The following ASTN2 variants were observed in gnomAD, a reference collection of about 807,000 sequenced individuals.
The protein encoded by ASTN2 is astrotactin-2.
ASTN2 carries 54 observed loss-of-function variants against 139.8 expected under a neutral mutation model. That is an observed-to-expected ratio of 0.39 (90% confidence interval 0.31 to 0.48). ASTN2 has a LOEUF of 0.48. ASTN2 is among the 20% of genes least tolerant of loss of function. The pLI is 0.95. For synonymous variants in ASTN2, 756 were observed against 719.5 expected, an observed-to-expected ratio of 1.05 and a Z score of -0.81; for missense variants, 1,565 against 1,725.1, an observed-to-expected ratio of 0.91 and a Z score of 1.64.
chr9:116,710,211 C>G (rs1828110866), intron 16 of ASTN2, among the ~76,000 whole-genome samples: 1 of 152,152 alleles, frequency 6.6e-6, no homozygotes, highest in African/African-American at 2.4e-5. Context: ...TCTCCTTTCC[C>G]TGCTTTCTCA....
At chr9:117,189,057 C>T (rs1831279524) in intron 3 of ASTN2, among the ~76,000 whole-genome samples, 1 of 152,076 alleles carries the variant, frequency 6.6e-6, no homozygotes, top group South Asian at 2.1e-4. Context: ...GTCCTGTCTG[C>T]CAGACATCCT....
chr9:116,546,967 G>A (rs972334593), intron 19 of ASTN2, among the ~76,000 whole-genome samples: 3 of 152,184 alleles, frequency 2.0e-5, no homozygotes, highest in Admixed American at 1.3e-4. Flanking sequence ...CTGCAGGCAC[G>A]CCGGCTGGAG....
chr9:116,978,852 T>C (rs1175019222), intron 7 of ASTN2, among the ~76,000 whole-genome samples: 1 of 152,144 alleles, frequency 6.6e-6, no homozygotes, highest in Non-Finnish European at 1.5e-5. Flanking sequence ...TGAGTCAAGA[T>C]GCCAACAACC....
chr9:117,242,957 T>C (rs1195805584), intron 2 of ASTN2, among the ~76,000 whole-genome samples: 1 of 152,254 alleles, frequency 6.6e-6, no homozygotes, highest in Non-Finnish European at 1.5e-5. Context: ...ATTCAATAAA[T>C]ATTAAGTAAT....
chr9:116,827,245 G>C (rs1831659059), intron 11 of ASTN2, among the ~76,000 whole-genome samples: 1 of 148,102 alleles, frequency 6.8e-6, no homozygotes, highest in African/African-American at 2.5e-5. Context: ...GGAGGCGGAG[G>C]TTGCAATGAG....
At chr9:117,357,004 C>T (rs1829557780) in intron 1 of ASTN2, among the ~76,000 whole-genome samples, 1 of 152,060 alleles carries the variant, frequency 6.6e-6, no homozygotes, top group African/African-American at 2.4e-5. Context: ...GCGGAGGTTG[C>T]AGTGAGCCGA....
intron 20 of ASTN2, among the ~76,000 whole-genome samples, chr9:116,461,225 CTTAT>C (rs1323196379): frequency 6.6e-5 from 10 of 151,042 alleles, no homozygotes; most frequent in South Asian, 2.1e-4. Flanking sequence ...ATATAATTTA[CTTAT>C]TTATTATATT....
chr9:117,025,548 G>C (rs1838043177), intron 6 of ASTN2, among the ~76,000 whole-genome samples: 1 of 152,144 alleles, frequency 6.6e-6, no homozygotes, highest in Admixed American at 6.5e-5. Context: ...GAAACTCATA[G>C]GTCATGTTAA....
chr9:116,687,264 G>T (rs1860289338), intron 16 of ASTN2: 1 of 992,780 alleles, frequency 1.0e-6, no homozygotes. Flanking sequence ...GGGGCTCAGT[G>T]ACGGACAGGG....
At chr9:116,921,627 A>G (rs1246999272) in intron 10 of ASTN2, among the ~76,000 whole-genome samples, 2 of 151,740 alleles carry the variant, frequency 1.3e-5, no homozygotes, top group Non-Finnish European at 2.9e-5. Context: ...AGACTGGGTA[A>G]TTTATAAACA....
At chr9:117,190,834 C>A (rs1831325771) in intron 3 of ASTN2, among the ~76,000 whole-genome samples, 1 of 152,046 alleles carries the variant, frequency 6.6e-6, no homozygotes, top group African/African-American at 2.4e-5. Flanking sequence ...TATTATCATT[C>A]ATTATTATAT....
chr9:116,762,660 A>C (rs1436783353), intron 13 of ASTN2, among the ~76,000 whole-genome samples: 2 of 152,224 alleles, frequency 1.3e-5, no homozygotes, highest in African/African-American at 4.8e-5. Flanking sequence ...TATAATCTTC[A>C]AAATTCAGTG....
At chr9:117,208,905 ATC>A (rs1361047498) in intron 3 of ASTN2, among the ~76,000 whole-genome samples, 1 of 152,190 alleles carries the variant, frequency 6.6e-6, no homozygotes, top group Admixed American at 6.5e-5. Context: ...AAGAAATAAA[ATC>A]TGTTACAGGC....
intron 5 of ASTN2, among the ~76,000 whole-genome samples, chr9:117,051,013 GCCTTCA>G (rs1838898889): frequency 6.6e-6 from 1 of 152,118 alleles, no homozygotes; most frequent in Non-Finnish European, 1.5e-5. Context: ...ATAGAAGTCT[GCCTTCA>G]CCATTGCAAC....
chr9:117,142,738 A>C (rs907182796), intron 3 of ASTN2, among the ~76,000 whole-genome samples: 3 of 152,226 alleles, frequency 2.0e-5, no homozygotes, highest in African/African-American at 7.2e-5. Flanking sequence ...GAGGCAACAT[A>C]AAAGGCAAGA....
rs143439989 is a variant in ASTN2 at position 117,333,094 on chromosome 9, A to G, written c.443-41581T>C. 6.1e-3 allele frequency among the ~76,000 whole-genome samples: 927 copies of G among 152,294 alleles called. 8 individuals carry two copies. The highest frequency in any genetic ancestry group is 0.021 in the African/African-American group (879 of 41,564). On this transcript the variant is annotated intron_variant, in intron 1 of 22. Transcript: ENST00000313400. ...TGTATCTGTGAATATACTAAAATCC[A>G]TCAAATTATATACTCTAAAGAGGCA...
chr9:117,256,259 T>C (rs978692423), intron 2 of ASTN2, among the ~76,000 whole-genome samples: 9 of 152,150 alleles, frequency 5.9e-5, no homozygotes, highest in Non-Finnish European at 4.4e-5. Flanking sequence ...TCCTCTTTTG[T>C]TCAGAGGCTG....
chr9:116,998,660 C>A (rs551249631), intron 7 of ASTN2, among the ~76,000 whole-genome samples: 104 of 152,208 alleles, frequency 6.8e-4, no homozygotes, highest in Middle Eastern at 3.4e-3. Flanking sequence ...CAGCAATAAA[C>A]AAGGTGAGCA....
intron 1 of ASTN2, among the ~76,000 whole-genome samples, chr9:117,366,180 A>G (rs567097331): frequency 1.3e-5 from 2 of 152,262 alleles, no homozygotes; most frequent in East Asian, 3.9e-4. Context: ...AAAACCGATG[A>G]CTTTCAGGAG....
Sources: allele counts gnomAD v4.1 joint callset (sites outside exome capture counted in the v4.1 genomes callset), GRCh38; gene constraint gnomAD v4.1.1; transcripts MANE v1.5; gene names NCBI Gene and HGNC (gene_info 2026-07-23, HGNC 2026-07-21).